Variants in CD2AP observed in about 807,000 individuals in gnomAD.
The protein encoded by CD2AP is CD2 associated protein.
A neutral mutation model predicts 85.1 loss-of-function variants in CD2AP; 46 were observed. That is an observed-to-expected ratio of 0.54 (90% CI 0.43 to 0.69). CD2AP has a LOEUF of 0.69. Among genes scored for constraint, CD2AP ranks in the 30% least tolerant of loss-of-function variants. CD2AP has a pLI of 0.00. For synonymous variants in CD2AP, 255 were observed against 252.9 expected (o/e 1.01, Z -0.08); for missense variants, 769 against 729.5 (o/e 1.05, Z -0.62).
intron 1 of CD2AP, among the ~76,000 whole-genome samples, chr6:47,485,819 C>T (rs1275742698): frequency 6.6e-6 from 1 of 152,122 alleles, no homozygotes; most frequent in Non-Finnish European, 1.5e-5. Flanking sequence ...CATTGTGTTA[C>T]AGTTGCCTAC....
intron 1 of CD2AP, among the ~76,000 whole-genome samples, chr6:47,487,170 C>T (rs1765582602): frequency 6.6e-6 from 1 of 151,998 alleles, no homozygotes. Context: ...ACTAATTTGG[C>T]CATTCTTAAC....
chr6:47,527,871 TG>T (rs1199221245), intron 2 of CD2AP, among the ~76,000 whole-genome samples: 1 of 152,196 alleles, frequency 6.6e-6, no homozygotes, highest in African/African-American at 2.4e-5. Flanking sequence ...TCAAGAAAAT[TG>T]GGTTCACTAG....
intron 2 of CD2AP, among the ~76,000 whole-genome samples, chr6:47,505,640 C>A (rs1766130771): frequency 8.0e-6 from 1 of 125,764 alleles, no homozygotes; most frequent in African/African-American, 2.8e-5. Context: ...CCCCCACCTC[C>A]CTCCCGGACG....
intron 2 of CD2AP, among the ~76,000 whole-genome samples, chr6:47,512,167 AT>A (rs1338937792): frequency 7.0e-4 from 106 of 151,218 alleles, no homozygotes; most frequent in African/African-American, 2.2e-3. Flanking sequence ...GAAAAAAAAA[AT>A]ATATATAAAA....
intron 11 of CD2AP, among the ~76,000 whole-genome samples, chr6:47,594,824 T>A (rs1768895362): frequency 6.6e-6 from 1 of 152,072 alleles, no homozygotes; most frequent in Non-Finnish European, 1.5e-5. Context: ...TATTTTGTAT[T>A]CATTGTGAAA....
chr6:47,609,553 G>C (rs1276769396), intron 16 of CD2AP: 1 of 360,754 alleles, frequency 2.8e-6, no homozygotes, highest in Non-Finnish European at 5.1e-6. Context: ...AAAAGAAAAA[G>C]CCAGGCTTGG....
At chr6:47,504,818 G>A (rs542991247) in intron 2 of CD2AP, among the ~76,000 whole-genome samples, 21 of 152,172 alleles carry the variant, frequency 1.4e-4, no homozygotes, top group Admixed American at 1.2e-3. Context: ...ACATTATACT[G>A]TATTGAGAGT....
intron 2 of CD2AP, among the ~76,000 whole-genome samples, chr6:47,517,399 C>T (rs1019770033): frequency 1.3e-5 from 2 of 151,874 alleles, no homozygotes; most frequent in Non-Finnish European, 2.9e-5. Context: ...GCGATCCTCT[C>T]ACCTCAGCCT....
At chr6:47,555,692 T>C (rs1425359760) in intron 5 of CD2AP, among the ~76,000 whole-genome samples, 10 of 152,246 alleles carry the variant, frequency 6.6e-5, no homozygotes, top group African/African-American at 1.2e-4. Flanking sequence ...TATGTTTTAA[T>C]CTATCTTTAC....
intron 16 of CD2AP, 35 bp from the exon 17 acceptor site, chr6:47,612,438 G>C: frequency 7.1e-7 from 1 of 1,410,256 alleles, no homozygotes. Flanking sequence ...TTATTTAATC[G>C]AAAGACTTAA....
chr6:47,552,168 G>T (rs1300734743), intron 4 of CD2AP, among the ~76,000 whole-genome samples: 1 of 151,526 alleles, frequency 6.6e-6, no homozygotes, highest in African/African-American at 2.4e-5. Flanking sequence ...ATTTCAATAG[G>T]TGTTTGGGGA....
intron 2 of CD2AP, 39 bp from the exon 3 acceptor site, chr6:47,533,563 T>A (rs948498698): frequency 3.1e-6 from 5 of 1,590,966 alleles, no homozygotes; most frequent in Non-Finnish European, 4.3e-6. Context: ...ATAAAAAATA[T>A]AACTTAACTT....
intron 6 of CD2AP, among the ~76,000 whole-genome samples, chr6:47,575,088 T>C (rs1454880540): frequency 3.9e-5 from 6 of 152,228 alleles, no homozygotes; most frequent in East Asian, 1.9e-4. Flanking sequence ...TATTTTCTTA[T>C]GTAGCAGTGA....
intron 5 of CD2AP, among the ~76,000 whole-genome samples, chr6:47,567,854 G>C (rs539169929): frequency 6.6e-6 from 1 of 152,328 alleles, no homozygotes; most frequent in African/African-American, 2.4e-5. Context: ...AGAAGCCATA[G>C]AGCAAAATCA....
chr6:47,478,775 G>A (rs1305315626), intron 1 of CD2AP, among the ~76,000 whole-genome samples: 2 of 152,030 alleles, frequency 1.3e-5, no homozygotes, highest in African/African-American at 4.8e-5. Context: ...GGACAGGAAA[G>A]CTTGAGTATT....
At chr6:47,502,961 G>C (rs1766035826) in intron 1 of CD2AP, among the ~76,000 whole-genome samples, 2 of 152,120 alleles carry the variant, frequency 1.3e-5, no homozygotes, top group African/African-American at 4.8e-5. Flanking sequence ...CGAGGAAGTG[G>C]GGATCATGGA....
intron 2 of CD2AP, among the ~76,000 whole-genome samples, chr6:47,529,854 C>T (rs1342393893): frequency 2.0e-5 from 3 of 152,188 alleles, no homozygotes; most frequent in African/African-American, 7.2e-5. Context: ...TTATATCAGC[C>T]GTCTGCTCGC....
intron 13 of CD2AP, 52 bp downstream of exon 13, chr6:47,599,495 A>T (rs79964938): frequency 6.7e-7 from 1 of 1,502,242 alleles, no homozygotes; most frequent in Non-Finnish European, 9.2e-7. Context: ...ATTGTCAAAG[A>T]AACTCTTTAA....
At position 47,596,132 on chromosome 6, in the gene CD2AP, G is replaced by C. The variant is rs1768938818; in HGVS notation, c.1274+106G>C. On this transcript the variant is annotated intron_variant, in intron 12 of 17. Transcript: ENST00000359314. Reference sequence around the variant, plus strand: ...CAGGTATGTTTTTTCTTATTTTTCAGTTATATTTATTTTTAAAATTGACAT... The same window carrying C: ...CAGGTATGTTTTTTCTTATTTTTCACTTATATTTATTTTTAAAATTGACAT... 6.1e-6 allele frequency: 5 copies of C among 819,164 alleles called. No homozygotes were observed. In the Admixed American group the frequency reaches 8.2e-5, roughly 13 times the overall value. 50.7% of individuals were successfully genotyped at this position (819,164 alleles called of 1,614,324 possible).
Sources: gnomAD v4.1 joint callset for allele counts (sites outside exome capture counted in the v4.1 genomes callset) on GRCh38, gnomAD v4.1.1 for gene constraint, MANE v1.5 for transcripts, NCBI Gene and HGNC (gene_info 2026-07-23, HGNC 2026-07-21) for gene names.